The following ZNF500 variants were observed in gnomAD, a reference collection of about 807,000 sequenced individuals.
ZNF500 encodes zinc finger protein 500.
A neutral mutation model predicts 30.1 loss-of-function variants in ZNF500; 31 were observed. The observed-to-expected ratio is 1.03, with a 90% CI of 0.77 to 1.39. ZNF500 has a LOEUF of 1.39. Among genes scored for constraint, ZNF500 ranks in the 40% most tolerant of loss-of-function variants. ZNF500 has a pLI of 0.00. For synonymous variants in ZNF500, 392 were observed against 282.0 expected (o/e 1.39, Z -3.91); for missense variants, 817 against 657.8 (o/e 1.24, Z -2.65).
chr16:4,749,487 T>C lies in ZNF500; in HGVS notation c.*2889A>G, dbSNP rs960843516. The C allele has an allele frequency of 1.1e-4, 17 of 154,522 alleles. No individual in the cohort carries two copies. The Middle Eastern group carries it at 4.3e-3, about 39-fold the overall frequency. 9.6% of individuals were successfully genotyped at this position (154,522 alleles called of 1,614,324 possible). A position where few individuals can be genotyped will look rare whatever the true frequency, so the allele number is the denominator to read the frequency against. ...TGGCTCTGCCACCTGGGCAAGGTTTTCACGCTCCCAGTGCCCAGTTCCTCC... is the reference window on the plus strand; with the variant it reads ...TGGCTCTGCCACCTGGGCAAGGTTTCCACGCTCCCAGTGCCCAGTTCCTCC... On this transcript the variant is annotated 3_prime_UTR_variant, in exon 6 of 6. Transcript: ENST00000219478.
intron 1 of ZNF500, 125 bp from the exon 2 acceptor site, chr16:4,766,201 G>A: frequency 2.1e-6 from 1 of 468,834 alleles, no homozygotes; most frequent in East Asian, 3.3e-5. Context: ...AAAGGAAGTG[G>A]ATGAATGTCA....
intron 2 of ZNF500, chr16:4,764,088 G>A (rs2082236480): frequency 2.0e-6 from 2 of 985,334 alleles, no homozygotes; most frequent in South Asian, 9.4e-5. Context: ...AAATGGGGCT[G>A]GAAGGAGGTG....
chr16:4,748,768 T>C lies in ZNF500; in HGVS notation c.*3608A>G, dbSNP rs1012673883. 3.9e-5 allele frequency: 6 copies of C among 152,526 alleles called. No individual in the cohort carries two copies. The highest frequency in any genetic ancestry group is 4.1e-4 in the South Asian group (2 of 4,826). The allele number at this position is 152,526 out of a possible 1,614,324, so 9.4% of individuals were successfully genotyped here. Reference sequence around the variant, plus strand: ...CCCCGTGGGAAGAGCAGAGAAATCATCACCACCTTGGGCCCCACGGTGCCA... The same window carrying C: ...CCCCGTGGGAAGAGCAGAGAAATCACCACCACCTTGGGCCCCACGGTGCCA... On this transcript the variant is annotated 3_prime_UTR_variant, in exon 6 of 6. Transcript: ENST00000219478.
chr16:4,761,691 A>C (rs1395181179), intron 4 of ZNF500, among the ~76,000 whole-genome samples: 2 of 151,438 alleles, frequency 1.3e-5, no homozygotes, highest in Non-Finnish European at 2.9e-5. Flanking sequence ...TTAAAAAAAA[A>C]ACAAAAAAAA....
chr16:4,745,291 G>A (rs2082000574), downstream of ZNF500, among the ~76,000 whole-genome samples: 1 of 152,186 alleles, frequency 6.6e-6, no homozygotes, highest in African/African-American at 2.4e-5. Flanking sequence ...TCCTTTCAAT[G>A]GGAGGCCATG....
rs765237695 is a variant in ZNF500 at position 4,752,996 on chromosome 16, A to G, written c.823T>C (p.Trp275Arg). 5 of 1,581,318 alleles carry G rather than the reference A, an allele frequency of 3.2e-6. No individual in the cohort carries two copies. Among genetic ancestry groups the G allele is most frequent in the Admixed American group, 1.8e-5 (1 of 56,634 alleles). ...GREDAPLRME[W>R]YRVLSARCQG... is the part of the protein sequence containing the mutation. Reference sequence around the variant, plus strand: ...CATCGTGCCGAGAGCACTCGGTACCACTCCATTCTCAACGGGGCATCCTCC... The same window carrying G: ...CATCGTGCCGAGAGCACTCGGTACCGCTCCATTCTCAACGGGGCATCCTCC... The change falls in exon 6 of 6, where the codon TGG becomes CGG. Residue 275 changes from tryptophan to arginine, a missense_variant. Coordinates refer to ENST00000219478, the MANE Select transcript of ZNF500 (RefSeq NM_021646.4).
rs747680291 is a variant in ZNF500 at position 4,762,675 on chromosome 16, C to T, written c.496G>A (p.Glu166Lys). Reference protein sequence around the residue: ...FLKHQAEAQPEDLSLEEEARF... With the variant: ...FLKHQAEAQPKDLSLEEEARF... ...GCCTCTTCCTCCAGGGACAGATCCT[C>T]TGGCTGAGCCTCTGCCTGGTGTTTT... Residue 166 changes from glutamate to lysine, a missense_variant, in exon 3 of 6, where the codon GAG (glutamate) becomes AAG (lysine). By Grantham distance (56) the Glu-to-Lys change is moderately conservative (BLOSUM62 1). Transcript: ENST00000219478. 1.2e-6 allele frequency: 2 copies of T among 1,614,158 alleles called. No homozygotes were observed. Among genetic ancestry groups the T allele is most frequent in the Non-Finnish European group, 1.7e-6 (2 of 1,179,998 alleles).
At chr16:4,746,870 A>G (rs2341988), downstream of ZNF500, 1,434,316 of 1,443,070 alleles carry the variant, frequency 0.99, 713,196 homozygotes, top group East Asian at 1. Context: ...AGCCCCAACA[A>G]GAGTTGGAAC....
At chr16:4,747,399 C>T, downstream of ZNF500, 3 of 1,612,078 alleles carry the variant, frequency 1.9e-6, no homozygotes, top group Non-Finnish European at 2.5e-6. Context: ...CAGAAGGGGA[C>T]AGCCCAGCCC....
intron 5 of ZNF500, chr16:4,756,374 CT>C (rs1310543368): frequency 2.6e-5 from 4 of 152,112 alleles, no homozygotes; most frequent in South Asian, 2.1e-4. Flanking sequence ...ATCCCAGCTG[CT>C]TGGGAGGCTA....
Position 4,751,570 on chromosome 16 carries a change from C to T in ZNF500, c.*806G>A, listed in dbSNP as rs1453985008. The stretch of plus-strand genomic sequence containing the variant: ...GGCAGGATGAAGAAGCTGGAGACCA[C>T]GTCCTGGGAAGGCTGGGGTACAGCA... On this transcript the variant is annotated 3_prime_UTR_variant, in exon 6 of 6. Transcript: ENST00000219478. 4.8e-5 allele frequency: 74 copies of T among 1,533,012 alleles called. No homozygotes were observed. Among genetic ancestry groups the T allele is most frequent in the Non-Finnish European group, 5.6e-5 (64 of 1,146,140 alleles). The allele number at this position is 1,533,012 out of a possible 1,614,324, so 95.0% of individuals were successfully genotyped here.
At chr16:4,756,485 A>C (rs1426608903) in intron 5 of ZNF500, 1 of 151,932 alleles carries the variant, frequency 6.6e-6, no homozygotes, top group Non-Finnish European at 1.5e-5. Flanking sequence ...CTCCATCTCA[A>C]TTAAGAAAAA....
intron 5 of ZNF500, chr16:4,758,452 T>C (rs969821355): frequency 6.6e-6 from 1 of 152,126 alleles, no homozygotes; most frequent in Admixed American, 6.6e-5. Context: ...ACTTCTGCCT[T>C]TTGCACAGGG....
chr16:4,747,132 C>G (rs2082027786), downstream of ZNF500: 1 of 1,248,254 alleles, frequency 8.0e-7, no homozygotes, highest in Non-Finnish European at 1.1e-6. Flanking sequence ...CTTGCTGCAC[C>G]CACCGCACAG....
intron 4 of ZNF500, 58 bp from the exon 5 acceptor site, chr16:4,760,646 A>G: frequency 5.4e-6 from 8 of 1,491,204 alleles, no homozygotes; most frequent in Non-Finnish European, 7.4e-6. Flanking sequence ...CTCCCCAACT[A>G]AGGCCACTGG....
At chr16:4,744,934 G>A, downstream of ZNF500, 1 of 1,613,944 alleles carries the variant, frequency 6.2e-7, no homozygotes, top group African/African-American at 1.3e-5. Flanking sequence ...GCACCACGCA[G>A]TCCAAGGCCT....
Position 4,748,738 on chromosome 16 carries a change from G to C in ZNF500, c.*3638C>G, listed in dbSNP as rs894339959. ...CCTTGTCTCCAGGATGTGTCCTGCT[G>C]TCTGCCCCGTGGGAAGAGCAGAGAA... is the stretch of plus-strand genomic sequence containing the variant. On this transcript the variant is annotated 3_prime_UTR_variant, in exon 6 of 6. Transcript: ENST00000219478. The C allele has an allele frequency of 8.5e-5, 13 of 152,574 alleles. No individual in the cohort carries two copies. The highest frequency in any genetic ancestry group is 2.9e-4 in the African/African-American group (12 of 41,586). The allele number at this position is 152,574 out of a possible 1,614,324, so 9.5% of individuals were successfully genotyped here. A position where few individuals can be genotyped will look rare whatever the true frequency, so the allele number is the denominator to read the frequency against.
Position 4,753,016 on chromosome 16 carries a change from T to C in ZNF500, c.803A>G (p.Asp268Gly). The change falls in exon 6 of 6, where the codon GAT (aspartate) becomes GGT (glycine). Residue 268 changes from aspartate to glycine, a missense_variant. Asp to Gly is a moderately conservative substitution (Grantham distance 94). Coordinates refer to ENST00000219478, the MANE Select transcript of ZNF500 (RefSeq NM_021646.4). ...GTACCACTCCATTCTCAACGGGGCA[T>C]CCTCCCTGCCATCACCGCCGTCCTC... The part of the protein sequence containing the change: ...QLEDGGDGRE[D>G]APLRMEWYRV... 3 of 1,555,988 alleles carry C rather than the reference T, an allele frequency of 1.9e-6. No individual in the cohort carries two copies. Among genetic ancestry groups the C allele is most frequent in the Non-Finnish European group, 1.7e-6 (2 of 1,152,798 alleles).
At chr16:4,745,932 G>A (rs1324596579), downstream of ZNF500, among the ~76,000 whole-genome samples, 12 of 136,292 alleles carry the variant, frequency 8.8e-5, no homozygotes, top group South Asian at 9.3e-4. Flanking sequence ...CAGCCTGGGC[G>A]ACAGAGCAAG....
Sources: allele counts gnomAD v4.1 joint callset (sites outside exome capture counted in the v4.1 genomes callset), GRCh38; gene constraint gnomAD v4.1.1; transcripts MANE v1.5; gene names NCBI Gene and HGNC (gene_info 2026-07-23, HGNC 2026-07-21).